The following CAPZB variants were observed in gnomAD, a reference collection of about 807,000 sequenced individuals.
CAPZB encodes capping actin protein of muscle Z-line subunit beta, also known as F-actin-capping protein subunit beta.
In CAPZB, 2 loss-of-function variants were observed where a neutral mutation model predicts 38.1. That is an observed-to-expected ratio of 0.05 (90% CI 0.02 to 0.17). CAPZB has a LOEUF of 0.17. Ranked by LOEUF, CAPZB falls within the 10% of genes least tolerant of loss-of-function variation. The probability of loss-of-function intolerance (pLI) is 1.00; values close to 1 mark genes in which losing one functional copy is unlikely to be tolerated. For missense variants in CAPZB, 161 were observed against 334.2 expected (o/e 0.48, Z 4.04); for synonymous variants, 107 against 127.4 (o/e 0.84, Z 1.08).
intron 1 of CAPZB, among the ~76,000 whole-genome samples, chr1:19,480,850 C>T (rs1054152463): frequency 1.3e-5 from 2 of 152,290 alleles, no homozygotes; most frequent in East Asian, 1.9e-4. Flanking sequence ...CATCGGCAGG[C>T]AGTACGGAGT....
At chr1:19,424,502 A>C (rs1277866548) in intron 1 of CAPZB, 1 of 152,328 alleles carries the variant, frequency 6.6e-6, no homozygotes, top group African/African-American at 2.4e-5. Context: ...GTCCGCACTA[A>C]GTTTGGCATC....
chr1:19,391,541 T>C (rs1450190915), intron 2 of CAPZB, among the ~76,000 whole-genome samples: 1 of 152,198 alleles, frequency 6.6e-6, no homozygotes, highest in East Asian at 1.9e-4. Flanking sequence ...TTGTTCCTTT[T>C]ATTTTTCCAG....
chr1:19,341,254 C>A (rs1402759732), intron 8 of CAPZB, among the ~76,000 whole-genome samples: 1 of 152,196 alleles, frequency 6.6e-6, no homozygotes, highest in East Asian at 1.9e-4. Context: ...GCCCCCACGG[C>A]CCCCAGGCTC....
intron 1 of CAPZB, among the ~76,000 whole-genome samples, chr1:19,466,615 G>A (rs76522430): frequency 0.013 from 2,045 of 152,212 alleles, 41 homozygotes; most frequent in African/African-American, 0.047. Context: ...ATGGGGGATC[G>A]GGAATAGTTC....
chr1:19,339,494 A>G lies in CAPZB; in HGVS notation c.*36T>C. The G allele has an allele frequency of 2.0e-6, 3 of 1,471,438 alleles. No homozygotes were observed. Among genetic ancestry groups the G allele is most frequent in the Non-Finnish European group, 2.9e-6 (3 of 1,049,828 alleles). 91.1% of individuals were successfully genotyped at this position (1,471,438 alleles called of 1,614,324 possible). A position where few individuals can be genotyped will look rare whatever the true frequency, so the allele number is the denominator to read the frequency against. ...AGTTTTCTAAGAAAGGAATCTAACG[A>G]GTGCACGGCGTGTCTGGTTAGCATG... On this transcript the variant is annotated 3_prime_UTR_variant, in exon 9 of 9. Coordinates refer to ENST00000264202, the MANE Select transcript of CAPZB (RefSeq NM_004930.5).
intron 2 of CAPZB, among the ~76,000 whole-genome samples, chr1:19,416,933 A>G (rs1343238009): frequency 1.3e-5 from 2 of 150,920 alleles, no homozygotes; most frequent in South Asian, 2.1e-4. Context: ...AGTACACCAT[A>G]TATCAGTGGT....
At chr1:19,484,594 A>G in intron 1 of CAPZB, 1 of 1,218,198 alleles carries the variant, frequency 8.2e-7, no homozygotes, top group Non-Finnish European at 1.0e-6. Flanking sequence ...CACCGGGACC[A>G]CCCCATCCCT....
At chr1:19,419,860 G>A (rs549423730) in intron 1 of CAPZB, 110 bp from the exon 2 acceptor site, 15 of 671,712 alleles carry the variant, frequency 2.2e-5, no homozygotes, top group Middle Eastern at 3.9e-4. Flanking sequence ...AAAGAGCCAC[G>A]CAGTGGGCCC....
rs181303964 is a variant in CAPZB at position 19,339,422 on chromosome 1, T to C, written c.*108A>G. 4.0e-4 allele frequency: 330 copies of C among 819,774 alleles called. 2 individuals carry two copies. The African/African-American group carries it at 4.6e-3, about 11-fold the overall frequency. The allele number at this position is 819,774 out of a possible 1,614,324, so 50.8% of individuals were successfully genotyped here. On this transcript the variant is annotated 3_prime_UTR_variant, in exon 9 of 9. Transcript: ENST00000264202. ...TGTGCGGTCAATGATGCAGCTGTTATGTGACCTGTCGGGGAGGGAAGGGAC... is the reference window on the plus strand; with the variant it reads ...TGTGCGGTCAATGATGCAGCTGTTACGTGACCTGTCGGGGAGGGAAGGGAC...
intron 2 of CAPZB, among the ~76,000 whole-genome samples, chr1:19,387,483 T>C (rs919989492): frequency 9.9e-5 from 15 of 152,238 alleles, no homozygotes; most frequent in African/African-American, 3.4e-4. Flanking sequence ...CCACAGCCAA[T>C]GAAGCCACCT....
intron 1 of CAPZB, among the ~76,000 whole-genome samples, chr1:19,456,110 C>T (rs1489804988): frequency 6.6e-6 from 1 of 152,120 alleles, no homozygotes; most frequent in Admixed American, 6.5e-5. Flanking sequence ...TGGAGTTTTG[C>T]CATGTTGGCC....
At chr1:19,458,257 T>C (rs144658210) in intron 1 of CAPZB, among the ~76,000 whole-genome samples, 2,447 of 152,312 alleles carry the variant, frequency 0.016, 35 homozygotes, top group Middle Eastern at 0.037. Flanking sequence ...TGGGTCAACA[T>C]AATATTTTTT....
At chr1:19,467,107 G>T (rs1350324382) in intron 1 of CAPZB, among the ~76,000 whole-genome samples, 1 of 151,738 alleles carries the variant, frequency 6.6e-6, no homozygotes, top group Non-Finnish European at 1.5e-5. Flanking sequence ...TCACTATGTT[G>T]CCTAGGCTGG....
At chr1:19,450,457 TA>T (rs757009612) in intron 1 of CAPZB, among the ~76,000 whole-genome samples, 17 of 152,342 alleles carry the variant, frequency 1.1e-4, no homozygotes, top group Non-Finnish European at 1.8e-4. Flanking sequence ...ACATTAGGGA[TA>T]CTCAGCCTGT....
At chr1:19,394,254 G>A (rs557882332) in intron 2 of CAPZB, among the ~76,000 whole-genome samples, 21 of 152,296 alleles carry the variant, frequency 1.4e-4, no homozygotes, top group African/African-American at 5.1e-4. Flanking sequence ...TCAAAGTGCT[G>A]GGATTACAGG....
intron 8 of CAPZB, among the ~76,000 whole-genome samples, chr1:19,339,926 C>A (rs1351155433): frequency 6.6e-6 from 1 of 152,234 alleles, no homozygotes; most frequent in African/African-American, 2.4e-5. Context: ...TAAGTTCACT[C>A]CTCTGTGTGT....
In CAPZB at chr1:19,474,431, A is replaced by G. The variant is rs547479996; in HGVS notation, c.3+11005T>C. 3.3e-5 allele frequency among the ~76,000 whole-genome samples: 5 copies of G among 152,318 alleles called. No homozygotes were observed. In the East Asian group the frequency reaches 9.6e-4, roughly 29 times the overall value. On this transcript the variant is annotated intron_variant, in intron 1 of 8. Coordinates refer to ENST00000264202, the MANE Select transcript of CAPZB (RefSeq NM_004930.5). ...GCCCGCACAGTTCATAAGCAGCCAC[A>G]GTGGGGTGTGGATCTGGGAGGCTCC... is the stretch of plus-strand genomic sequence containing the variant.
Position 19,398,086 on chromosome 1 carries a change from C to G in CAPZB, c.94-12460G>C, listed in dbSNP as rs75911619. 2.7e-4 allele frequency among the ~76,000 whole-genome samples: 41 copies of G among 152,258 alleles called. No homozygotes were observed. In the East Asian group the frequency reaches 6.4e-3, roughly 24 times the overall value. ...GACAATAAGGAGTCACACGGCCAGG[C>G]AACCATGGGCAATGGCAACGCAGGG... On this transcript the variant is annotated intron_variant, in intron 2 of 8. Transcript: ENST00000264202.
intron 4 of CAPZB, among the ~76,000 whole-genome samples, chr1:19,359,208 CTCTTT>C (rs1213023139): frequency 4.2e-5 from 4 of 94,488 alleles, no homozygotes; most frequent in Admixed American, 2.3e-4. Flanking sequence ...ATTCTCTGTA[CTCTTT>C]TTTTTTTTTT....
Sources: allele counts gnomAD v4.1 joint callset (sites outside exome capture counted in the v4.1 genomes callset), GRCh38; gene constraint gnomAD v4.1.1; transcripts MANE v1.5; gene names NCBI Gene and HGNC (gene_info 2026-07-23, HGNC 2026-07-21).